NPAS3: variants seen among roughly 807,000 people sequenced by gnomAD.
NPAS3 encodes the protein neuronal PAS domain protein 3.
A neutral mutation model predicts 73.1 loss-of-function variants in NPAS3; 14 were observed. The observed-to-expected ratio is 0.19, with a 90% CI of 0.13 to 0.30. NPAS3 has a LOEUF of 0.30. Among genes scored for constraint, NPAS3 ranks in the 10% least tolerant of loss-of-function variants. NPAS3 has a pLI of 1.00. For missense variants in NPAS3, 1,096 were observed against 1,250.0 expected (o/e 0.88, Z 1.86); for synonymous variants, 620 against 541.5 (o/e 1.14, Z -2.01).
intron 2 of NPAS3, among the ~76,000 whole-genome samples, chr14:33,130,759 T>C (rs749972548): frequency 9.2e-5 from 14 of 152,174 alleles, no homozygotes; most frequent in Admixed American, 3.3e-4. Flanking sequence ...TTTATTCAGG[T>C]TCTTCATTTT....
In NPAS3 at chr14:33,800,803, G is replaced by A; in HGVS notation, c.2496G>A (p.Ala832=). Residue 832 remains alanine (A), a synonymous_variant, in exon 12 of 12, where the codon GCG becomes GCA. Coordinates refer to ENST00000356141, the Ensembl canonical transcript of NPAS3. This position sits in a 1 kb window ranked among gnomAD's most constrained non-coding sequence, Gnocchi z 6.5. ...ACACCACGGGCACCATCCGCTACGCGCCCGCCGAGGTGACCCTGGCCATGC... is the reference window on the plus strand; with the variant it reads ...ACACCACGGGCACCATCCGCTACGCACCCGCCGAGGTGACCCTGGCCATGC... 6.3e-7 allele frequency: 1 copy of A among 1,594,084 alleles called. No homozygotes were observed. Among genetic ancestry groups the A allele is most frequent in the Non-Finnish European group, 8.5e-7 (1 of 1,171,282 alleles).
In NPAS3 at chr14:33,164,748, A is replaced by G. The variant is rs547007643; in HGVS notation, c.141-50434A>G. ...AATCATGGCCCAGCGAAGTTGGATA[A>G]CTTTCCTGGGTACCCAGAGCTAGTA... is the stretch of plus-strand genomic sequence containing the variant. On this transcript the variant is annotated intron_variant, in intron 2 of 11. Transcript: ENST00000356141. Among the ~76,000 whole-genome samples, 4 of 152,090 alleles carry G rather than the reference A, an allele frequency of 2.6e-5. 1 individual carries two copies. The South Asian group carries it at 8.3e-4, about 32-fold the overall frequency.
chr14:33,371,968 G>A (rs2140438914), intron 4 of NPAS3, among the ~76,000 whole-genome samples: 1 of 152,232 alleles, frequency 6.6e-6, no homozygotes, highest in Admixed American at 6.5e-5. Flanking sequence ...AGGTAACAAA[G>A]TTGAATTTGA....
Position 33,172,236 on chromosome 14 carries a change from T to C in NPAS3, c.141-42946T>C, listed in dbSNP as rs1418639891. 2.0e-5 allele frequency among the ~76,000 whole-genome samples: 3 copies of C among 152,194 alleles called. 1 individual carries two copies. The South Asian group carries it at 6.2e-4, about 31-fold the overall frequency. The stretch of plus-strand genomic sequence containing the variant: ...AGATGGCACCGACAGACTTACTCGA[T>C]GTAAGGTTGCCACAAACCTTCCATT... On this transcript the variant is annotated intron_variant, in intron 2 of 11. Transcript: ENST00000356141.
intron 4 of NPAS3, among the ~76,000 whole-genome samples, chr14:33,519,491 G>A (rs2053461732): frequency 6.6e-6 from 1 of 152,106 alleles, no homozygotes. Flanking sequence ...AGGAGAAGAA[G>A]CTAGCATGGG....
chr14:33,207,234 TACACAC>T (rs760045327), intron 2 of NPAS3, among the ~76,000 whole-genome samples: 16 of 88,326 alleles, frequency 1.8e-4, no homozygotes, highest in African/African-American at 4.7e-4. Context: ...CAAAGAACAT[TACACAC>T]ACACACACAC....
chr14:33,044,726 G>T (rs1323862662), intron 1 of NPAS3, among the ~76,000 whole-genome samples: 1 of 151,366 alleles, frequency 6.6e-6, no homozygotes. Context: ...TGTTGTGATC[G>T]AGATGAGAAC....
intron 3 of NPAS3, among the ~76,000 whole-genome samples, chr14:33,334,637 T>G (rs1475917698): frequency 1.3e-5 from 2 of 152,200 alleles, no homozygotes; most frequent in Non-Finnish European, 2.9e-5. Context: ...GAGTCAAAGA[T>G]GAGTCTTAGG....
intron 6 of NPAS3, among the ~76,000 whole-genome samples, chr14:33,703,485 C>T (rs997783283): frequency 6.6e-6 from 1 of 152,090 alleles, no homozygotes; most frequent in Admixed American, 6.5e-5. Flanking sequence ...CAGAGCAAGA[C>T]CCTGTCTCTT....
chr14:33,133,361 A>G (rs986704873), intron 2 of NPAS3, among the ~76,000 whole-genome samples: 7 of 152,168 alleles, frequency 4.6e-5, no homozygotes, highest in African/African-American at 1.2e-4. Flanking sequence ...TAAATAAAAT[A>G]TTTTATTCAG....
At position 33,012,568 on chromosome 14, in the gene NPAS3, A is replaced by G. The variant is rs527347317; in HGVS notation, c.51-43337A>G. Among the ~76,000 whole-genome samples the G allele has an allele frequency of 2.2e-3, 318 of 144,440 alleles. 1 individual carries two copies. Among genetic ancestry groups the G allele is most frequent in the African/African-American group, 7.7e-3 (305 of 39,578 alleles). The allele number at this position is 144,440 out of a possible 152,430, so 94.8% of individuals were successfully genotyped here. A position where few individuals can be genotyped will look rare whatever the true frequency, so the allele number is the denominator to read the frequency against. ...AAGTCATATCTTTTTTTTTTTTTTT[A>G]GATGGAGTCTCGCTCTCTCGCCTGG... On this transcript the variant is annotated intron_variant, in intron 1 of 11. Transcript: ENST00000356141.
rs571975866 is a variant in NPAS3 at position 33,242,080 on chromosome 14, A to G, written c.385+26654A>G. Among the ~76,000 whole-genome samples, 12 of 152,166 alleles carry G rather than the reference A, an allele frequency of 7.9e-5. No individual in the cohort carries two copies. In the South Asian group the frequency reaches 2.5e-3, roughly 32 times the overall value. ...AATTTTGTTTTCCAACTGATATACT[A>G]ATAATTCAGAGAAGGTTATGATTTT... is the stretch of plus-strand genomic sequence containing the variant. On this transcript the variant is annotated intron_variant, in intron 3 of 11. Transcript: ENST00000356141.
At chr14:33,384,901 A>G (rs2046711410) in intron 4 of NPAS3, among the ~76,000 whole-genome samples, 1 of 152,094 alleles carries the variant, frequency 6.6e-6, no homozygotes, top group Non-Finnish European at 1.5e-5. Context: ...CCAGTTCTTT[A>G]CCAGGGAAGC....
intron 3 of NPAS3, among the ~76,000 whole-genome samples, chr14:33,319,211 A>G (rs1186944648): frequency 6.6e-6 from 1 of 151,960 alleles, no homozygotes; most frequent in Non-Finnish European, 1.5e-5. Flanking sequence ...CCAGAGCAAA[A>G]GCAAAAGTTA....
chr14:33,769,648 C>T (rs2062577577), intron 7 of NPAS3, among the ~76,000 whole-genome samples: 1 of 150,484 alleles, frequency 6.6e-6, no homozygotes, highest in Admixed American at 6.6e-5. Flanking sequence ...GTTAATTAAT[C>T]AAACAGTATT....
At chr14:33,745,078 A>G (rs2061754583) in intron 7 of NPAS3, among the ~76,000 whole-genome samples, 1 of 151,810 alleles carries the variant, frequency 6.6e-6, no homozygotes, top group Non-Finnish European at 1.5e-5. Context: ...CCCTCTCTAC[A>G]AAAATACAAA....
At chr14:33,308,520 A>G (rs1477587183) in intron 3 of NPAS3, among the ~76,000 whole-genome samples, 2 of 58,322 alleles carry the variant, frequency 3.4e-5, no homozygotes, top group Non-Finnish European at 6.8e-5. Context: ...TTATATATAT[A>G]TATATATACA....
chr14:33,521,023 C>G (rs1263731710), intron 4 of NPAS3, among the ~76,000 whole-genome samples: 1 of 152,066 alleles, frequency 6.6e-6, no homozygotes, highest in Admixed American at 6.6e-5. Context: ...GGGTAGAATT[C>G]CAGCTTTTTC....
intron 4 of NPAS3, among the ~76,000 whole-genome samples, chr14:33,421,212 T>G (rs901697999): frequency 1.3e-5 from 2 of 151,566 alleles, no homozygotes; most frequent in Non-Finnish European, 2.9e-5. Context: ...TTGTCCGTAC[T>G]GTGACTTATC....
Sources: allele counts gnomAD v4.1 joint callset (sites outside exome capture counted in the v4.1 genomes callset), GRCh38; gene constraint gnomAD v4.1.1; non-coding constraint Gnocchi (gnomAD v3.1); transcripts MANE v1.5; gene names NCBI Gene and HGNC (gene_info 2026-07-23, HGNC 2026-07-21).